The following ANKS1B variants were observed in gnomAD, a reference collection of about 807,000 sequenced individuals.
ANKS1B encodes ankyrin repeat and sterile alpha motif domain containing 1B, also known as ankyrin repeat and sterile alpha motif domain-containing protein 1B.
Under a neutral mutation model 148.3 loss-of-function variants are expected in ANKS1B, and 36 were observed. That is an observed-to-expected ratio of 0.24 (90% confidence interval 0.19 to 0.32). The LOEUF (loss-of-function observed/expected upper bound fraction) is 0.32. Ranked by LOEUF, ANKS1B falls within the 10% of genes least tolerant of loss-of-function variation. The probability of loss-of-function intolerance (pLI) is 1.00; values close to 1 mark genes in which losing one functional copy is unlikely to be tolerated. For missense variants in ANKS1B, 1,157 were observed against 1,542.6 expected, an observed-to-expected ratio of 0.75 and a Z score of 4.19; for synonymous variants, 542 against 560.8, an observed-to-expected ratio of 0.97 and a Z score of 0.47.
At chr12:98,754,732 G>A (rs1223419779) in intron 25 of ANKS1B, among the ~76,000 whole-genome samples, 1 of 152,184 alleles carries the variant, frequency 6.6e-6, no homozygotes, top group Non-Finnish European at 1.5e-5. Flanking sequence ...AGCAAGTGAG[G>A]TTTTTCACAT....
At chr12:98,929,375 C>T (rs2099811785) in intron 17 of ANKS1B, among the ~76,000 whole-genome samples, 1 of 151,952 alleles carries the variant, frequency 6.6e-6, no homozygotes, top group Non-Finnish European at 1.5e-5. Context: ...CAGATTCAAT[C>T]CAATACCTAT....
intron 9 of ANKS1B, among the ~76,000 whole-genome samples, chr12:99,572,525 T>C (rs918372475): frequency 6.6e-6 from 1 of 152,080 alleles, no homozygotes; most frequent in African/African-American, 2.4e-5. Context: ...TATAATTAAG[T>C]TAAAATTCAA....
chr12:98,773,679 C>T (rs1285491978), intron 24 of ANKS1B, among the ~76,000 whole-genome samples: 4 of 152,206 alleles, frequency 2.6e-5, no homozygotes, highest in East Asian at 3.9e-4. Flanking sequence ...TGGTCTTGAA[C>T]TCCTGACCTC....
intron 16 of ANKS1B, among the ~76,000 whole-genome samples, chr12:99,059,831 A>G (rs1417082210): frequency 1.5e-5 from 2 of 133,450 alleles, no homozygotes; most frequent in African/African-American, 5.7e-5. Flanking sequence ...ACTAAAGGTC[A>G]GATGGCATTC....
chr12:99,947,255 CAAAA>C (rs58317609), intron 1 of ANKS1B, among the ~76,000 whole-genome samples: 2 of 129,060 alleles, frequency 1.5e-5, no homozygotes, highest in South Asian at 2.7e-4. Flanking sequence ...TAAAGTAATA[CAAAA>C]AAAAAAAAAA....
intron 8 of ANKS1B, among the ~76,000 whole-genome samples, chr12:99,749,585 C>T (rs1194133182): frequency 6.6e-6 from 1 of 152,036 alleles, no homozygotes; most frequent in East Asian, 1.9e-4. Context: ...GAAATTTTCT[C>T]TTCCCATTTT....
chr12:98,760,737 C>G (rs188569889), intron 25 of ANKS1B, among the ~76,000 whole-genome samples: 74 of 152,252 alleles, frequency 4.9e-4, no homozygotes, highest in African/African-American at 1.7e-3. Context: ...AAGCTGCAAC[C>G]CTAATACTTC....
chr12:99,605,627 T>G (rs548586228), intron 9 of ANKS1B, among the ~76,000 whole-genome samples: 30 of 152,252 alleles, frequency 2.0e-4, no homozygotes, highest in Non-Finnish European at 3.7e-4. Flanking sequence ...ACATAATGTT[T>G]TCCAGCCTCA....
chr12:99,376,459 G>C (rs184157081), intron 12 of ANKS1B, among the ~76,000 whole-genome samples: 1 of 152,172 alleles, frequency 6.6e-6, no homozygotes, highest in East Asian at 1.9e-4. Context: ...TTTCAGGTTT[G>C]TGGAAAGGTG....
At position 99,527,998 on chromosome 12, in the gene ANKS1B, C is replaced by T. The variant is rs137917449; in HGVS notation, c.1273-23357G>A. Among the ~76,000 whole-genome samples, 510 of 151,794 alleles carry T rather than the reference C, an allele frequency of 3.4e-3. 3 individuals carry two copies. The highest frequency in any genetic ancestry group is 0.012 in the African/African-American group (488 of 41,410). Reference sequence around the variant, plus strand: ...TACTACAAGGCTACAGTAACCAAAACAGCATGGTACTGGTGCTACAGTAGA... The same window carrying T: ...TACTACAAGGCTACAGTAACCAAAATAGCATGGTACTGGTGCTACAGTAGA... On this transcript the variant is annotated intron_variant, in intron 9 of 26. Transcript: ENST00000683438.
intron 17 of ANKS1B, among the ~76,000 whole-genome samples, chr12:98,980,218 T>A (rs1036470311): frequency 6.6e-6 from 1 of 151,864 alleles, no homozygotes; most frequent in East Asian, 1.9e-4. Context: ...TTGTTTGTTT[T>A]GAGACGGAGT....
At chr12:99,960,333 G>T (rs1183413392) in intron 1 of ANKS1B, among the ~76,000 whole-genome samples, 1 of 152,162 alleles carries the variant, frequency 6.6e-6, no homozygotes, top group Non-Finnish European at 1.5e-5. Context: ...AGATAATCTG[G>T]CCTCACAGGT....
At chr12:98,870,108 A>C (rs2099646912) in intron 17 of ANKS1B, among the ~76,000 whole-genome samples, 1 of 152,186 alleles carries the variant, frequency 6.6e-6, no homozygotes, top group Non-Finnish European at 1.5e-5. Context: ...GGGAGATGGA[A>C]ATGTACCCAG....
chr12:99,807,056 G>A (rs2067710391), intron 3 of ANKS1B, among the ~76,000 whole-genome samples: 1 of 152,072 alleles, frequency 6.6e-6, no homozygotes, highest in Non-Finnish European at 1.5e-5. Context: ...TAATAAGAGA[G>A]ATCAAAACAA....
intron 17 of ANKS1B, among the ~76,000 whole-genome samples, chr12:98,919,598 C>T (rs2099798718): frequency 2.0e-5 from 3 of 152,242 alleles, no homozygotes; most frequent in African/African-American, 7.2e-5. Context: ...TTAACCCTAA[C>T]ACCCACTTTC....
chr12:99,846,690 G>A (rs2086719906), intron 1 of ANKS1B, among the ~76,000 whole-genome samples: 1 of 151,926 alleles, frequency 6.6e-6, no homozygotes, highest in Admixed American at 6.6e-5. Flanking sequence ...CTGCCTTCAG[G>A]TTACCAAAAG....
chr12:99,151,320 G>C (rs1220541459), intron 15 of ANKS1B, among the ~76,000 whole-genome samples: 1 of 152,058 alleles, frequency 6.6e-6, no homozygotes, highest in Non-Finnish European at 1.5e-5. Context: ...TTAAGATCAG[G>C]AGTTCTAGAC....
At chr12:99,600,495 G>GC (rs1176925240) in intron 9 of ANKS1B, among the ~76,000 whole-genome samples, 1 of 151,980 alleles carries the variant, frequency 6.6e-6, no homozygotes, top group East Asian at 1.9e-4. Context: ...AGAGCACCAG[G>GC]CAGTGACTGA....
chr12:99,593,265 T>G (rs2097722665), intron 9 of ANKS1B, among the ~76,000 whole-genome samples: 1 of 151,962 alleles, frequency 6.6e-6, no homozygotes, highest in Admixed American at 6.6e-5. Context: ...TAATTTTATT[T>G]TTGGTTTACA....
Sources: gnomAD v4.1 joint callset for allele counts (sites outside exome capture counted in the v4.1 genomes callset) on GRCh38, gnomAD v4.1.1 for gene constraint, MANE v1.5 for transcripts, NCBI Gene and HGNC (gene_info 2026-07-23, HGNC 2026-07-21) for gene names.